Variants in CCDC171 observed in about 807,000 individuals in gnomAD.
CCDC171 encodes the protein coiled-coil domain-containing protein 171.
CCDC171 carries 177 observed loss-of-function variants against 168.2 expected under a neutral mutation model. The observed-to-expected ratio is 1.05, with a 90% CI of 0.93 to 1.19. The LOEUF (loss-of-function observed/expected upper bound fraction) is 1.19, where lower values mean the gene tolerates loss of function less well. Among genes scored for constraint, CCDC171 ranks in the 50% most tolerant of loss-of-function variants. CCDC171 has a pLI of 0.00. For missense variants in CCDC171, 1,991 were observed against 1,539.0 expected (o/e 1.29, Z -4.91); for synonymous variants, 687 against 540.8 (o/e 1.27, Z -3.75).
At chr9:16,072,189 A>G in the CCDC171 span, among the ~76,000 whole-genome samples, 6 of 152,364 alleles carry the variant, frequency 3.9e-5, 1 homozygote, top group South Asian at 4.1e-4. Context: ...GTAAAAGTCC[A>G]CTTCCAGTCA....
intron 7 of CCDC171, among the ~76,000 whole-genome samples, chr9:15,647,919 C>G (rs990183601): frequency 3.3e-5 from 5 of 152,152 alleles, no homozygotes; most frequent in South Asian, 2.1e-4. Flanking sequence ...CATCCTGATA[C>G]CAAAGCCTGG....
intron 25 of CCDC171, among the ~76,000 whole-genome samples, chr9:15,943,045 T>C (rs1003564929): frequency 2.6e-5 from 4 of 151,942 alleles, no homozygotes; most frequent in Admixed American, 2.0e-4. Context: ...CTGGCTGTCT[T>C]GTCAGCTTTG....
intron 21 of CCDC171, among the ~76,000 whole-genome samples, chr9:15,829,228 A>T (rs865917439): frequency 6.6e-6 from 1 of 152,172 alleles, no homozygotes; most frequent in East Asian, 1.9e-4. Context: ...ATTTCAATCT[A>T]TTGGCTCTTT....
At chr9:16,003,582 A>G (rs539118003) in intron 3 of CCDC171, among the ~76,000 whole-genome samples, 1 of 152,192 alleles carries the variant, frequency 6.6e-6, no homozygotes, top group Non-Finnish European at 1.5e-5. Context: ...ATGGAGGGGC[A>G]CATTTTCTGA....
At chr9:15,858,472 A>G (rs2061428842) in intron 23 of CCDC171, among the ~76,000 whole-genome samples, 1 of 152,080 alleles carries the variant, frequency 6.6e-6, no homozygotes, top group African/African-American at 2.4e-5. Context: ...TGGGATTCTG[A>G]TAGGGATTAC....
At chr9:16,096,226 C>T in the CCDC171 span, among the ~76,000 whole-genome samples, 1 of 152,022 alleles carries the variant, frequency 6.6e-6, no homozygotes, top group African/African-American at 2.4e-5. Flanking sequence ...CTTGTGTATG[C>T]TTAAAATAAC....
chr9:15,621,811 C>T (rs2044531268), intron 6 of CCDC171, among the ~76,000 whole-genome samples: 2 of 152,062 alleles, frequency 1.3e-5, no homozygotes, highest in South Asian at 4.1e-4. Context: ...ATTGTTCTAC[C>T]ACAAAGACAC....
At chr9:15,811,349 A>G (rs1392961307) in intron 21 of CCDC171, among the ~76,000 whole-genome samples, 4 of 152,248 alleles carry the variant, frequency 2.6e-5, no homozygotes, top group Admixed American at 6.5e-5. Flanking sequence ...GAAACATTAC[A>G]CAAATAAATA....
intron 21 of CCDC171, among the ~76,000 whole-genome samples, chr9:15,813,235 G>A (rs539959041): frequency 2.6e-5 from 4 of 152,270 alleles, no homozygotes; most frequent in Non-Finnish European, 5.9e-5. Context: ...AATTTCCCAT[G>A]TACAATAACT....
intron 20 of CCDC171, 69 bp downstream of exon 20, chr9:15,779,219 T>C: frequency 1.1e-6 from 1 of 910,148 alleles, no homozygotes; most frequent in East Asian, 3.2e-5. Context: ...TATCCTTTTT[T>C]CCTTAACTTT....
chr9:15,675,187 GTTTTTTTTT>G (rs138989790), intron 9 of CCDC171, among the ~76,000 whole-genome samples: 1 of 75,542 alleles, frequency 1.3e-5, no homozygotes, highest in South Asian at 6.3e-4. Context: ...TGCAACTCCT[GTTTTTTTTT>G]TTTTTTTTTT....
intron 6 of CCDC171, among the ~76,000 whole-genome samples, chr9:15,623,049 A>T (rs1182930161): frequency 6.6e-6 from 1 of 152,202 alleles, no homozygotes; most frequent in Non-Finnish European, 1.5e-5. Context: ...TGTAATATTA[A>T]TCAGAGTTTT....
chr9:15,618,347 G>A (rs2044247605), intron 6 of CCDC171, among the ~76,000 whole-genome samples: 1 of 152,178 alleles, frequency 6.6e-6, no homozygotes. Flanking sequence ...GAAAGCCTCA[G>A]TAATGGCGGT....
At chr9:16,081,207 T>G in the CCDC171 span, among the ~76,000 whole-genome samples, 15 of 152,346 alleles carry the variant, frequency 9.8e-5, no homozygotes, top group South Asian at 2.5e-3. Flanking sequence ...ATTCATTCTT[T>G]CTTGCTTGCT....
At chr9:16,089,916 A>G in the CCDC171 span, among the ~76,000 whole-genome samples, 2 of 152,198 alleles carry the variant, frequency 1.3e-5, no homozygotes, top group African/African-American at 4.8e-5. Flanking sequence ...AAAGTCAGGA[A>G]ACAACAAATG....
At chr9:16,089,711 C>G in the CCDC171 span, among the ~76,000 whole-genome samples, 3 of 151,388 alleles carry the variant, frequency 2.0e-5, no homozygotes, top group African/African-American at 7.3e-5. Context: ...TATCCAGAAT[C>G]TACAAAGAAC....
chr9:15,989,083 G>T (rs1036512617), intron 3 of CCDC171, among the ~76,000 whole-genome samples: 5 of 152,146 alleles, frequency 3.3e-5, no homozygotes, highest in Non-Finnish European at 5.9e-5. Context: ...GAGAGTAGTG[G>T]TTCTCCCAGC....
intron 11 of CCDC171, among the ~76,000 whole-genome samples, chr9:15,720,928 A>T (rs979741577): frequency 1.3e-5 from 2 of 152,194 alleles, no homozygotes; most frequent in African/African-American, 4.8e-5. Flanking sequence ...TATGAGTGAG[A>T]ACATGCAGTG....
In CCDC171 at chr9:15,846,657, A is replaced by G. The variant is rs376268494; in HGVS notation, c.3268-45A>G. 52 of 1,594,650 alleles carry G rather than the reference A, an allele frequency of 3.3e-5. No individual in the cohort carries two copies. The African/African-American group carries it at 6.4e-4, about 20-fold the overall frequency. ...ATAGCCTATGGCATAAATTGAAGTTAATTATCAGGGCTGACAAGTAACTCT... is the reference window on the plus strand; with the variant it reads ...ATAGCCTATGGCATAAATTGAAGTTGATTATCAGGGCTGACAAGTAACTCT... On this transcript the variant is annotated intron_variant, in intron 21 of 25. Transcript: ENST00000380701.
Sources: allele counts gnomAD v4.1 joint callset (sites outside exome capture counted in the v4.1 genomes callset), GRCh38; gene constraint gnomAD v4.1.1; transcripts MANE v1.5; gene names NCBI Gene and HGNC (gene_info 2026-07-23, HGNC 2026-07-21).